The following ST8SIA1 variants were observed in gnomAD, a reference collection of about 807,000 sequenced individuals.
The protein encoded by ST8SIA1 is ST8 alpha-N-acetyl-neuraminide alpha-2,8-sialyltransferase 1.
A neutral mutation model predicts 35.9 loss-of-function variants in ST8SIA1; 16 were observed. The ratio of observed to expected loss-of-function variants is 0.45; its 90% CI spans 0.30 to 0.68. ST8SIA1 has a LOEUF of 0.68. Ranked by LOEUF, ST8SIA1 falls within the 30% of genes least tolerant of loss-of-function variation. The probability of loss-of-function intolerance (pLI) is 0.09; values close to 1 mark genes in which losing one functional copy is unlikely to be tolerated. For synonymous variants in ST8SIA1, 170 were observed against 169.6 expected, an observed-to-expected ratio of 1.00 and a Z score of -0.02; for missense variants, 383 against 453.6, an observed-to-expected ratio of 0.84 and a Z score of 1.41.
intron 4 of ST8SIA1, among the ~76,000 whole-genome samples, chr12:22,236,289 T>C (rs1050299190): frequency 6.6e-6 from 1 of 152,192 alleles, no homozygotes; most frequent in Admixed American, 6.5e-5. Flanking sequence ...AACAGTTCCA[T>C]ATACAGACAG....
intron 4 of ST8SIA1, among the ~76,000 whole-genome samples, chr12:22,233,649 T>C (rs1023030678): frequency 6.6e-6 from 1 of 151,750 alleles, no homozygotes; most frequent in Non-Finnish European, 1.5e-5. Context: ...TCTCTCAAAC[T>C]ACTTCTCAAA....
intron 1 of ST8SIA1, among the ~76,000 whole-genome samples, chr12:22,303,888 A>AC (rs3063800): frequency 5.3e-5 from 8 of 150,908 alleles, no homozygotes; most frequent in Middle Eastern, 6.9e-3. Context: ...ACACACACAC[A>AC]AAAGTGGTGT....
At chr12:22,283,690 T>C (rs1413693449) in intron 2 of ST8SIA1, among the ~76,000 whole-genome samples, 4 of 152,216 alleles carry the variant, frequency 2.6e-5, no homozygotes, top group African/African-American at 9.7e-5. Context: ...TACCTCTGAA[T>C]TTCCTGCTTG....
intron 1 of ST8SIA1, among the ~76,000 whole-genome samples, chr12:22,295,578 T>G (rs571096804): frequency 6.6e-6 from 1 of 151,560 alleles, no homozygotes; most frequent in Non-Finnish European, 1.5e-5. Context: ...ACAAAAAAAA[T>G]TTTTAATTAG....
intron 1 of ST8SIA1, among the ~76,000 whole-genome samples, chr12:22,319,044 C>A (rs1866551977): frequency 6.6e-6 from 1 of 152,192 alleles, no homozygotes; most frequent in African/African-American, 2.4e-5. Flanking sequence ...TCATTAAATG[C>A]TAGCTCTGGG....
chr12:22,286,214 C>A (rs531625549), intron 2 of ST8SIA1, among the ~76,000 whole-genome samples: 1 of 152,228 alleles, frequency 6.6e-6, no homozygotes, highest in African/African-American at 2.4e-5. Context: ...CATTTTAAGA[C>A]CATTAAACTA....
At chr12:22,325,493 C>T (rs918109555) in intron 1 of ST8SIA1, 7 of 701,722 alleles carry the variant, frequency 1.0e-5, no homozygotes, top group Middle Eastern at 2.3e-4. Context: ...GGATAAAAAT[C>T]GATTCCTTCA....
chr12:22,270,307 C>T (rs1865897557), intron 2 of ST8SIA1, among the ~76,000 whole-genome samples: 1 of 152,154 alleles, frequency 6.6e-6, no homozygotes, highest in Non-Finnish European at 1.5e-5. Flanking sequence ...GCATGCAAAA[C>T]ATTTAGCAAA....
At chr12:22,255,248 G>T in intron 3 of ST8SIA1, 32 bp downstream of exon 3, 1 of 1,574,526 alleles carries the variant, frequency 6.4e-7, no homozygotes, top group Non-Finnish European at 8.7e-7. Flanking sequence ...AGGAGAGAAG[G>T]CAGAGGCCGC....
In ST8SIA1 at chr12:22,199,797, G is replaced by A. The variant is rs1387791382; in HGVS notation, c.*1755C>T. 1 of 152,066 alleles carries A rather than the reference G, an allele frequency of 6.6e-6. No individual in the cohort carries two copies. Among genetic ancestry groups the A allele is most frequent in the Non-Finnish European group, 1.5e-5 (1 of 68,004 alleles). 9.4% of individuals were successfully genotyped at this position (152,066 alleles called of 1,614,324 possible). A position where few individuals can be genotyped will look rare whatever the true frequency, so the allele number is the denominator to read the frequency against. ...GCCATTATTGTTTACGTGGTAACAT[G>A]GTATGCTGAGTTTTTACTGTTAAAA... On this transcript the variant is annotated 3_prime_UTR_variant, in exon 5 of 5. Coordinates refer to ENST00000396037, the MANE Select transcript of ST8SIA1 (RefSeq NM_003034.4).
Position 22,249,053 on chromosome 12 carries a change from T to C in ST8SIA1, c.537A>G (p.Gly179=), listed in dbSNP as rs1188460469. 6.2e-7 allele frequency: 1 copy of C among 1,613,862 alleles called. No individual in the cohort carries two copies. The highest frequency in any genetic ancestry group is 1.7e-5 in the Admixed American group (1 of 59,998). ...TAGCTGTCACTAACTGACTTTTGGA[T>C]CCAACATCCTTAGTGTATTCACTTG... ...PLSSEYTKDV[G]SKSQLVTANP... is the part of the protein sequence containing the mutation. The change falls in exon 4 of 5, where the codon GGA becomes GGG. Residue 179 remains glycine, a synonymous_variant. Coordinates refer to ENST00000396037, the MANE Select transcript of ST8SIA1 (RefSeq NM_003034.4).
At chr12:22,243,301 C>T (rs1865560547) in intron 4 of ST8SIA1, among the ~76,000 whole-genome samples, 1 of 152,120 alleles carries the variant, frequency 6.6e-6, no homozygotes, top group African/African-American at 2.4e-5. Context: ...TTTTTCATCA[C>T]ATGAAAGTAC....
rs1866823181 is a variant in ST8SIA1 at position 22,334,610 on chromosome 12, T to A, written c.-378A>T. The A allele has an allele frequency of 3.6e-6, 1 of 279,426 alleles. No individual in the cohort carries two copies. Among genetic ancestry groups the A allele is most frequent in the Non-Finnish European group, 6.8e-6 (1 of 146,014 alleles). 17.3% of individuals were successfully genotyped at this position (279,426 alleles called of 1,614,324 possible). ...GCGAGGGTCCGGGAGAAGGCTCGGCTCCCTCCTAAACATGTGGCCCGTGGC... is the reference window on the plus strand; with the variant it reads ...GCGAGGGTCCGGGAGAAGGCTCGGCACCCTCCTAAACATGTGGCCCGTGGC... On this transcript the variant is annotated 5_prime_UTR_variant, in exon 1 of 5. Coordinates refer to ENST00000396037, the MANE Select transcript of ST8SIA1 (RefSeq NM_003034.4).
chr12:22,313,653 T>G (rs980678782), intron 1 of ST8SIA1, among the ~76,000 whole-genome samples: 2 of 152,202 alleles, frequency 1.3e-5, no homozygotes, highest in African/African-American at 4.8e-5. Flanking sequence ...TTAATTGCAC[T>G]CATATTGATG....
In ST8SIA1 at chr12:22,199,040, T is replaced by C. The variant is rs960798278; in HGVS notation, c.*2512A>G. The C allele has an allele frequency of 6.6e-6, 1 of 152,218 alleles. No individual in the cohort carries two copies. The highest frequency in any genetic ancestry group is 1.9e-4 in the East Asian group (1 of 5,196). 9.4% of individuals were successfully genotyped at this position (152,218 alleles called of 1,614,324 possible). A position where few individuals can be genotyped will look rare whatever the true frequency, so the allele number is the denominator to read the frequency against. On this transcript the variant is annotated 3_prime_UTR_variant, in exon 5 of 5. Coordinates refer to ENST00000396037, the MANE Select transcript of ST8SIA1 (RefSeq NM_003034.4). ...TCTGTTTTGCCTTTCAGAACCCACATGAAATAGTTTCACAAGTTTGTAAAC... is the reference window on the plus strand; with the variant it reads ...TCTGTTTTGCCTTTCAGAACCCACACGAAATAGTTTCACAAGTTTGTAAAC...
intron 2 of ST8SIA1, among the ~76,000 whole-genome samples, chr12:22,279,270 AGGTAT>A (rs1001268967): frequency 3.9e-4 from 59 of 152,300 alleles, no homozygotes; most frequent in African/African-American, 1.4e-3. Context: ...CCTGGCTTTG[AGGTAT>A]GGCTCTAGTA....
At chr12:22,304,810 G>A (rs1308409864) in intron 1 of ST8SIA1, among the ~76,000 whole-genome samples, 1 of 152,232 alleles carries the variant, frequency 6.6e-6, no homozygotes, top group Admixed American at 6.5e-5. Context: ...CTCAGATCCA[G>A]TTAAAAGACA....
chr12:22,214,175 C>T (rs1865208712), intron 4 of ST8SIA1, among the ~76,000 whole-genome samples: 1 of 151,600 alleles, frequency 6.6e-6, no homozygotes, highest in Non-Finnish European at 1.5e-5. Context: ...AGAGCTGCAG[C>T]AAAGAGTAGA....
intron 4 of ST8SIA1, among the ~76,000 whole-genome samples, chr12:22,231,731 GC>G (rs1403216231): frequency 6.6e-6 from 1 of 151,560 alleles, no homozygotes; most frequent in Non-Finnish European, 1.5e-5. Flanking sequence ...CCACCACCAC[GC>G]CCGGCTAATT....
Sources: allele counts gnomAD v4.1 joint callset (sites outside exome capture counted in the v4.1 genomes callset), GRCh38; gene constraint gnomAD v4.1.1; transcripts MANE v1.5; gene names NCBI Gene and HGNC (gene_info 2026-07-23, HGNC 2026-07-21).